The following CTNNA2 variants were observed in gnomAD, a reference collection of about 807,000 sequenced individuals.
CTNNA2 encodes the protein catenin alpha-2.
CTNNA2 carries 42 observed loss-of-function variants against 101.0 expected under a neutral mutation model. That is an observed-to-expected ratio of 0.42 (90% CI 0.32 to 0.54). CTNNA2 has a LOEUF of 0.54. Among genes scored for constraint, CTNNA2 ranks in the 20% least tolerant of loss-of-function variants. The pLI, the probability that CTNNA2 is intolerant of heterozygous loss-of-function variation, is 0.14. For synonymous variants in CTNNA2, 450 were observed against 456.4 expected (o/e 0.99, Z 0.18); for missense variants, 871 against 1,223.1 (o/e 0.71, Z 4.29).
At chr2:80,174,853 T>C (rs960412350) in intron 7 of CTNNA2, among the ~76,000 whole-genome samples, 12 of 152,320 alleles carry the variant, frequency 7.9e-5, no homozygotes, top group African/African-American at 2.6e-4. Flanking sequence ...CACCCACATG[T>C]GTACTACATC....
intron 3 of CTNNA2, among the ~76,000 whole-genome samples, chr2:79,333,279 A>G (rs1676916570): frequency 6.6e-6 from 1 of 152,152 alleles, no homozygotes; most frequent in Non-Finnish European, 1.5e-5. Flanking sequence ...AATAGAGAAG[A>G]CATTCTCAAT....
chr2:79,979,783 T>A (rs1691125491), intron 7 of CTNNA2, among the ~76,000 whole-genome samples: 1 of 152,104 alleles, frequency 6.6e-6, no homozygotes, highest in Admixed American at 6.6e-5. Flanking sequence ...CCTGCACACT[T>A]ACAAGTATCA....
intron 2 of CTNNA2, among the ~76,000 whole-genome samples, chr2:79,659,128 A>C (rs1681829829): frequency 6.6e-6 from 1 of 151,982 alleles, no homozygotes; most frequent in African/African-American, 2.4e-5. Flanking sequence ...TTCAGATTTA[A>C]AATTAGAAGA....
At chr2:79,634,455 C>G (rs1368690403) in intron 1 of CTNNA2, 1 of 152,150 alleles carries the variant, frequency 6.6e-6, no homozygotes, top group East Asian at 1.9e-4. Context: ...GTAATTGGTT[C>G]AATTTCGAAG....
chr2:79,646,207 C>T (rs1303444976), intron 1 of CTNNA2, among the ~76,000 whole-genome samples: 1 of 152,192 alleles, frequency 6.6e-6, no homozygotes, highest in Non-Finnish European at 1.5e-5. Context: ...GTGAACGATG[C>T]ATTGTATTAA....
intron 5 of CTNNA2, among the ~76,000 whole-genome samples, chr2:79,870,707 G>A (rs960152418): frequency 6.6e-6 from 1 of 152,182 alleles, no homozygotes; most frequent in Non-Finnish European, 1.5e-5. Flanking sequence ...GGAAGGGGAA[G>A]TAGGCGCCTT....
At chr2:80,079,852 TA>T (rs1415066400) in intron 7 of CTNNA2, among the ~76,000 whole-genome samples, 1 of 132,526 alleles carries the variant, frequency 7.5e-6, no homozygotes, top group African/African-American at 2.9e-5. Flanking sequence ...TAAAATAAAA[TA>T]AAATAAAATA....
At chr2:80,011,960 G>A (rs1693820495) in intron 7 of CTNNA2, among the ~76,000 whole-genome samples, 2 of 152,152 alleles carry the variant, frequency 1.3e-5, no homozygotes, top group Non-Finnish European at 2.9e-5. Context: ...GGGCACTTCA[G>A]TACAACTGAA....
At chr2:79,670,693 A>G (rs1035065220) in intron 2 of CTNNA2, among the ~76,000 whole-genome samples, 2 of 152,170 alleles carry the variant, frequency 1.3e-5, no homozygotes, top group African/African-American at 4.8e-5. Flanking sequence ...AGTTTTTGGC[A>G]AAAACCAATA....
Position 80,608,164 on chromosome 2 carries a change from A to T in CTNNA2, c.2296-20A>T, listed in dbSNP as rs1275215312. 1 of 1,591,244 alleles carries T rather than the reference A, an allele frequency of 6.3e-7. No homozygotes were observed. The highest frequency in any genetic ancestry group is 8.6e-7 in the Non-Finnish European group (1 of 1,163,182). On this transcript the variant is annotated intron_variant, in intron 16 of 18. Coordinates refer to ENST00000402739, the MANE Select transcript of CTNNA2 (RefSeq NM_001282597.3). ...TGAAGAGTACTTACTAATCAAGATC[A>T]CTCTTTTAATGTTTTATAGTGTCCT...
chr2:80,589,685 G>C (rs1234266238), intron 15 of CTNNA2, among the ~76,000 whole-genome samples, 200 bp downstream of exon 15: 1 of 152,154 alleles, frequency 6.6e-6, no homozygotes, highest in African/African-American at 2.4e-5. Context: ...AAGGAGAATA[G>C]ATTCAATGTT....
intron 3 of CTNNA2, among the ~76,000 whole-genome samples, chr2:79,817,823 T>C (rs1677649805): frequency 6.6e-6 from 1 of 152,200 alleles, no homozygotes; most frequent in Non-Finnish European, 1.5e-5. Context: ...CAACAAATTG[T>C]TGTTGAGCTT....
At chr2:79,451,440 G>T (rs1670747157) in intron 4 of CTNNA2, among the ~76,000 whole-genome samples, 1 of 151,792 alleles carries the variant, frequency 6.6e-6, no homozygotes, top group African/African-American at 2.4e-5. Context: ...AATAAAGATT[G>T]GTGCCAATTT....
At chr2:79,915,413 T>C (rs1413174160) in intron 7 of CTNNA2, among the ~76,000 whole-genome samples, 1 of 152,214 alleles carries the variant, frequency 6.6e-6, no homozygotes, top group Non-Finnish European at 1.5e-5. Context: ...CAATATATTG[T>C]GAATATGTTA....
intron 3 of CTNNA2, among the ~76,000 whole-genome samples, chr2:79,361,068 C>T (rs982301511): frequency 6.6e-6 from 1 of 152,086 alleles, no homozygotes; most frequent in African/African-American, 2.4e-5. Flanking sequence ...TACCCAGACA[C>T]AGGACTGGAA....
intron 2 of CTNNA2, among the ~76,000 whole-genome samples, chr2:79,682,265 G>A (rs1455528948): frequency 6.6e-6 from 1 of 151,812 alleles, no homozygotes; most frequent in African/African-American, 2.4e-5. Context: ...AAAAAACTTA[G>A]CCAGGTGTGG....
At chr2:80,310,300 G>A (rs1000161708) in intron 7 of CTNNA2, among the ~76,000 whole-genome samples, 2 of 152,214 alleles carry the variant, frequency 1.3e-5, no homozygotes, top group African/African-American at 4.8e-5. Flanking sequence ...ACAGGCCTGA[G>A]CACTTAGCAG....
In CTNNA2 at chr2:80,080,044, A is replaced by G. The variant is rs374546888; in HGVS notation, c.1056+170247A>G. On this transcript the variant is annotated intron_variant, in intron 7 of 18. Coordinates refer to ENST00000402739, the MANE Select transcript of CTNNA2 (RefSeq NM_001282597.3). ...GCCTTGCACGTCAATGGGCCTTTAG[A>G]AGTTCACTGCTCCAGGTTGGTCTGA... Among the ~76,000 whole-genome samples, 443 of 152,212 alleles carry G rather than the reference A, an allele frequency of 2.9e-3. 3 individuals carry two copies. Among genetic ancestry groups the G allele is most frequent in the African/African-American group, 0.01 (421 of 41,520 alleles).
intron 17 of CTNNA2, chr2:80,618,830 T>G (rs769088058): frequency 1.4e-5 from 4 of 280,898 alleles, no homozygotes; most frequent in African/African-American, 2.2e-5. Flanking sequence ...CAAGGCAGGG[T>G]GCATCTTCAT....
Sources: gnomAD v4.1 joint callset for allele counts (sites outside exome capture counted in the v4.1 genomes callset) on GRCh38, gnomAD v4.1.1 for gene constraint, MANE v1.5 for transcripts, NCBI Gene and HGNC (gene_info 2026-07-23, HGNC 2026-07-21) for gene names.